The following RUNX1T1 variants were observed in gnomAD, a reference collection of about 807,000 sequenced individuals.
RUNX1T1 encodes RUNX1 partner transcriptional co-repressor 1.
In RUNX1T1, 4 loss-of-function variants were observed where a neutral mutation model predicts 62.8. The ratio of observed to expected loss-of-function variants is 0.06; its 90% CI spans 0.03 to 0.15. RUNX1T1 has a LOEUF of 0.15. RUNX1T1 is among the 10% of genes least tolerant of loss of function. RUNX1T1 has a pLI of 1.00. For synonymous variants in RUNX1T1, 291 were observed against 286.0 expected (o/e 1.02, Z -0.18); for missense variants, 508 against 754.3 (o/e 0.67, Z 3.82).
At chr8:92,101,641 A>T (rs1282809382), upstream of RUNX1T1, among the ~76,000 whole-genome samples, 1 of 152,050 alleles carries the variant, frequency 6.6e-6, no homozygotes, top group Non-Finnish European at 1.5e-5. Flanking sequence ...CTTTTGGGGG[A>T]GAGGGGGAGG....
At chr8:91,960,866 C>T (rs554302226) in intron 10 of RUNX1T1, among the ~76,000 whole-genome samples, 1 of 152,296 alleles carries the variant, frequency 6.6e-6, no homozygotes, top group East Asian at 1.9e-4. Context: ...CAAATCTTTT[C>T]CCAATACCTA....
At chr8:92,074,281 T>A (rs908972119) in intron 2 of RUNX1T1, among the ~76,000 whole-genome samples, 1 of 152,244 alleles carries the variant, frequency 6.6e-6, no homozygotes, top group Non-Finnish European at 1.5e-5. Context: ...TCAATATAGA[T>A]CTTCCATGCT....
intron 9 of RUNX1T1, among the ~76,000 whole-genome samples, chr8:91,975,469 A>G (rs2130692701): frequency 6.6e-6 from 1 of 151,310 alleles, no homozygotes; most frequent in African/African-American, 2.4e-5. Flanking sequence ...AGTCAACTAG[A>G]TTTGATGTTG....
Position 92,084,103 on chromosome 8 carries a change from G to T in RUNX1T1, c.-85-7966C>A, listed in dbSNP as rs995612678. ...ATCACACACCGGGGCCTGTCGGGGT[G>T]GGGGGCTAAGGGAGGGACAGCATTA... On this transcript the variant is annotated intron_variant, in intron 1 of 11. Coordinates refer to the RUNX1T1 transcript ENST00000265814. Among the ~76,000 whole-genome samples, 6 of 152,054 alleles carry T rather than the reference G, an allele frequency of 3.9e-5. No homozygotes were observed. The South Asian group carries it at 6.2e-4, about 16-fold the overall frequency.
At chr8:91,985,446 T>A (rs1349121541) in intron 8 of RUNX1T1, among the ~76,000 whole-genome samples, 3 of 152,164 alleles carry the variant, frequency 2.0e-5, no homozygotes, top group Admixed American at 2.0e-4. Context: ...AAGGCACAAC[T>A]ATATTATGAG....
chr8:92,047,407 C>A (rs1048486043), intron 1 of RUNX1T1, among the ~76,000 whole-genome samples: 5 of 152,104 alleles, frequency 3.3e-5, no homozygotes, highest in Admixed American at 1.3e-4. Flanking sequence ...CCCTCCTTAT[C>A]CTGATTTTCC....
intron 5 of RUNX1T1, chr8:92,003,168 AG>A (rs1195208534): frequency 8.1e-6 from 2 of 248,380 alleles, no homozygotes; most frequent in Non-Finnish European, 1.7e-5. Flanking sequence ...GACTCTTTTT[AG>A]GAGAGTTCTA....
At chr8:92,021,828 C>T (rs115172221) in intron 1 of RUNX1T1, among the ~76,000 whole-genome samples, 1,620 of 151,584 alleles carry the variant, frequency 0.011, 30 homozygotes, top group African/African-American at 0.037. Context: ...TTCTCTCAAT[C>T]CTAGGCTCTA....
At chr8:92,022,932 C>G (rs1216033932) in intron 1 of RUNX1T1, among the ~76,000 whole-genome samples, 5 of 152,198 alleles carry the variant, frequency 3.3e-5, no homozygotes, top group African/African-American at 1.2e-4. Context: ...ATGCTTGTTG[C>G]TTTCTTCCTT....
chr8:91,987,101 G>A (rs886554824), intron 6 of RUNX1T1, 129 bp from the exon 8 acceptor site: 1 of 688,358 alleles, frequency 1.5e-6, no homozygotes, highest in Non-Finnish European at 2.6e-6. Context: ...ATGGAGACAT[G>A]AGTCATATTT....
chr8:91,956,970 TAA>T (rs376835776), downstream of RUNX1T1: 126 of 103,516 alleles, frequency 1.2e-3, no homozygotes, highest in Non-Finnish European at 1.5e-3. Context: ...CACCTACACA[TAA>T]AAAAAAAAAA....
At chr8:91,982,552 G>A (rs183498492) in intron 8 of RUNX1T1, among the ~76,000 whole-genome samples, 2 of 152,262 alleles carry the variant, frequency 1.3e-5, no homozygotes, top group East Asian at 3.9e-4. Context: ...CTACTTCAAT[G>A]GTCAAATCTG....
At chr8:92,081,240 G>T in intron 1 of RUNX1T1, 1 of 955,696 alleles carries the variant, frequency 1.0e-6, no homozygotes. Context: ...CTACCTTAGT[G>T]CTCCCAGTGC....
At chr8:92,004,345 G>A (rs1820323627) in intron 5 of RUNX1T1, 1 of 152,224 alleles carries the variant, frequency 6.6e-6, no homozygotes, top group Admixed American at 6.5e-5. Flanking sequence ...ATGCTAATAA[G>A]ACTTTGCATT....
intron 1 of RUNX1T1, among the ~76,000 whole-genome samples, chr8:92,039,319 T>C (rs1267438157): frequency 6.6e-6 from 1 of 152,136 alleles, no homozygotes; most frequent in Non-Finnish European, 1.5e-5. Context: ...AAAGGCTATC[T>C]TGACCCCTCT....
chr8:92,071,965 T>G (rs1833754708), intron 2 of RUNX1T1, among the ~76,000 whole-genome samples: 1 of 152,194 alleles, frequency 6.6e-6, no homozygotes, highest in African/African-American at 2.4e-5. Context: ...AGGTCTGATT[T>G]TATTTGTCAT....
chr8:91,981,036 GT>G (rs1815122233), intron 8 of RUNX1T1, among the ~76,000 whole-genome samples: 1 of 152,096 alleles, frequency 6.6e-6, no homozygotes, highest in Non-Finnish European at 1.5e-5. Context: ...TCTACTATGT[GT>G]CAGGCACTGT....
At chr8:92,040,717 A>C (rs1225842629) in intron 1 of RUNX1T1, among the ~76,000 whole-genome samples, 2 of 152,170 alleles carry the variant, frequency 1.3e-5, no homozygotes, top group Non-Finnish European at 1.5e-5. Context: ...GTCAGGGTGA[A>C]ATACAATTAC....
At chr8:91,961,526 C>T (rs937212475) in intron 10 of RUNX1T1, among the ~76,000 whole-genome samples, 2 of 152,086 alleles carry the variant, frequency 1.3e-5, no homozygotes, top group African/African-American at 4.8e-5. Flanking sequence ...GAGGCTGCCA[C>T]CAGGATTTAA....
Sources: allele counts gnomAD v4.1 joint callset (sites outside exome capture counted in the v4.1 genomes callset), GRCh38; gene constraint gnomAD v4.1.1; transcripts MANE v1.5; gene names NCBI Gene and HGNC (gene_info 2026-07-23, HGNC 2026-07-21).